The following PHKB variants were observed in gnomAD, a reference collection of about 807,000 sequenced individuals.
The protein encoded by PHKB is phosphorylase kinase regulatory subunit beta, also known as phosphorylase b kinase regulatory subunit beta.
In PHKB, 122 loss-of-function variants were observed where a neutral mutation model predicts 152.1. The observed-to-expected ratio is 0.80, with a 90% CI of 0.69 to 0.93. The LOEUF (loss-of-function observed/expected upper bound fraction) is 0.93. Among genes scored for constraint, PHKB ranks in the 40% least tolerant of loss-of-function variants. The pLI is 0.00. For synonymous variants in PHKB, 436 were observed against 464.9 expected (o/e 0.94, Z 0.80); for missense variants, 1,304 against 1,328.4 (o/e 0.98, Z 0.29).
intron 24 of PHKB, chr16:47,664,397 A>C (rs956574033): frequency 5.7e-6 from 1 of 176,146 alleles, no homozygotes; most frequent in African/African-American, 2.4e-5. Context: ...ATACACATGC[A>C]CACATTTTTT....
intron 7 of PHKB, among the ~76,000 whole-genome samples, chr16:47,572,441 T>G (rs1170873966): frequency 6.6e-6 from 1 of 152,224 alleles, no homozygotes; most frequent in Non-Finnish European, 1.5e-5. Context: ...ATTTATGATT[T>G]TGTTTCTTTC....
At chr16:47,510,047 A>G (rs989282974) in intron 4 of PHKB, among the ~76,000 whole-genome samples, 2 of 152,192 alleles carry the variant, frequency 1.3e-5, no homozygotes, top group Non-Finnish European at 2.9e-5. Flanking sequence ...ACTTACTATT[A>G]CCAGTTTGTT....
chr16:47,588,762 A>T (rs1313365107), intron 9 of PHKB, 143 bp from the exon 10 acceptor site: 2 of 718,556 alleles, frequency 2.8e-6, no homozygotes, highest in Non-Finnish European at 5.0e-6. Context: ...CATGCCATAG[A>T]AACATCTGTC....
At chr16:47,661,124 C>T (rs1352429545) in intron 22 of PHKB, among the ~76,000 whole-genome samples, 1 of 152,164 alleles carries the variant, frequency 6.6e-6, no homozygotes, top group Non-Finnish European at 1.5e-5. Flanking sequence ...CCTTTCAGTG[C>T]CCTCTTTCTC....
intron 26 of PHKB, among the ~76,000 whole-genome samples, chr16:47,678,149 TTTC>T (rs1455147745): frequency 6.6e-6 from 1 of 152,090 alleles, no homozygotes; most frequent in African/African-American, 2.4e-5. Context: ...TGTGCCACAT[TTTC>T]TTAATCCAGT....
intron 26 of PHKB, among the ~76,000 whole-genome samples, chr16:47,672,767 G>A (rs1218305709): frequency 6.6e-6 from 1 of 151,906 alleles, no homozygotes; most frequent in African/African-American, 2.4e-5. Context: ...TTCTATTCAT[G>A]GGAATGGATA....
intron 6 of PHKB, among the ~76,000 whole-genome samples, chr16:47,523,709 G>C (rs999850395): frequency 1.3e-5 from 2 of 152,144 alleles, no homozygotes. Context: ...TCATCCCCCA[G>C]GTTTAAGAAG....
chr16:47,547,195 C>T (rs898521865), intron 6 of PHKB, among the ~76,000 whole-genome samples: 1 of 152,066 alleles, frequency 6.6e-6, no homozygotes, highest in Non-Finnish European at 1.5e-5. Context: ...GTTGATCATG[C>T]TGGGAGCTGA....
intron 14 of PHKB, among the ~76,000 whole-genome samples, chr16:47,627,341 G>T (rs1174125163): frequency 6.6e-6 from 1 of 152,246 alleles, no homozygotes; most frequent in Non-Finnish European, 1.5e-5. Flanking sequence ...CAGTATGCAA[G>T]ACTGTTAGCA....
intron 16 of PHKB, among the ~76,000 whole-genome samples, chr16:47,643,826 T>C (rs1973067565): frequency 6.6e-6 from 1 of 152,156 alleles, no homozygotes; most frequent in African/African-American, 2.4e-5. Flanking sequence ...TTACACAGCA[T>C]GTGGTTAATA....
At chr16:47,553,482 T>C (rs995212635) in intron 7 of PHKB, among the ~76,000 whole-genome samples, 2 of 152,128 alleles carry the variant, frequency 1.3e-5, no homozygotes, top group Non-Finnish European at 2.9e-5. Context: ...GGTTAGAACA[T>C]AGTCCTTTAG....
intron 26 of PHKB, among the ~76,000 whole-genome samples, chr16:47,686,333 T>C (rs1265213897): frequency 1.3e-5 from 2 of 152,226 alleles, no homozygotes; most frequent in Non-Finnish European, 2.9e-5. Context: ...TTATTTATTT[T>C]AGAAGATACC....
At chr16:47,548,539 G>A (rs1971214165) in intron 7 of PHKB, among the ~76,000 whole-genome samples, 1 of 151,828 alleles carries the variant, frequency 6.6e-6, no homozygotes, top group Non-Finnish European at 1.5e-5. Flanking sequence ...TCCAGGAGGT[G>A]GAGGTTGCAG....
At position 47,566,723 on chromosome 16, in the gene PHKB, A is replaced by G. The variant is rs1597090970; in HGVS notation, c.711-13572A>G. ...GAGGTGCCCTATACACATCTTCATC[A>G]TTACTGTTCCAAGTTGTTGAAATAT... On this transcript the variant is annotated intron_variant, in intron 7 of 30. Transcript: ENST00000323584. 1.7e-5 allele frequency: 13 copies of G among 769,482 alleles called. No homozygotes were observed. The East Asian group carries it at 3.0e-4, about 18-fold the overall frequency. The allele number at this position is 769,482 out of a possible 1,614,324, so 47.7% of individuals were successfully genotyped here.
In PHKB at chr16:47,684,363, C is replaced by T. The variant is rs534376191; in HGVS notation, c.2631-4678C>T. On this transcript the variant is annotated intron_variant, in intron 26 of 30. Transcript: ENST00000323584. ...TAAAATTTCAGGTGTTCTGGTTTAC[C>T]ACTGCTGTCAGATTTCCATGTACTT... Among the ~76,000 whole-genome samples the T allele has an allele frequency of 3.0e-4, 46 of 152,210 alleles. 1 individual carries two copies. The Middle Eastern group carries it at 0.02, about 68-fold the overall frequency.
At chr16:47,577,141 A>T (rs1018120737) in intron 7 of PHKB, among the ~76,000 whole-genome samples, 3 of 151,734 alleles carry the variant, frequency 2.0e-5, no homozygotes, top group African/African-American at 4.8e-5. Flanking sequence ...AGATTTTTTT[A>T]AAATCTCTTT....
intron 7 of PHKB, chr16:47,566,075 T>C: frequency 1.5e-6 from 1 of 662,358 alleles, no homozygotes; most frequent in Non-Finnish European, 2.7e-6. Context: ...CAAATGCTTT[T>C]TTGCCATTGC....
chr16:47,589,916 C>T (rs2151698160), intron 10 of PHKB, among the ~76,000 whole-genome samples: 1 of 152,282 alleles, frequency 6.6e-6, no homozygotes, highest in Non-Finnish European at 1.5e-5. Flanking sequence ...TCCTGAGTAG[C>T]TGGGATTACA....
rs540392422 is a variant in PHKB at position 47,678,728 on chromosome 16, C to T, written c.2630+9311C>T. ...TCTCCCATTCTGTAGGTTGCCTGTT[C>T]ACTCTGATGGTGGTTTCTTTTGCTG... On this transcript the variant is annotated intron_variant, in intron 26 of 30. Coordinates refer to ENST00000323584, the MANE Select transcript of PHKB (RefSeq NM_000293.3). 6.8e-3 allele frequency among the ~76,000 whole-genome samples: 1,036 copies of T among 151,944 alleles called. 12 individuals are homozygous for T. Among genetic ancestry groups the T allele is most frequent in the African/African-American group, 0.023 (952 of 41,504 alleles).
Sources: allele counts gnomAD v4.1 joint callset (sites outside exome capture counted in the v4.1 genomes callset), GRCh38; gene constraint gnomAD v4.1.1; transcripts MANE v1.5; gene names NCBI Gene and HGNC (gene_info 2026-07-23, HGNC 2026-07-21).